The following EDA variants were observed in gnomAD, a reference collection of about 807,000 sequenced individuals.
EDA encodes the protein ectodysplasin A.
A neutral mutation model predicts 23.6 loss-of-function variants in EDA; 2 were observed. The ratio of observed to expected loss-of-function variants is 0.08; its 90% CI spans 0.03 to 0.27. The LOEUF (loss-of-function observed/expected upper bound fraction) is 0.27, where lower values mean the gene tolerates loss of function less well. Ranked by LOEUF, EDA falls within the 10% of genes least tolerant of loss-of-function variation. The pLI, the probability that EDA is intolerant of heterozygous loss-of-function variation, is 1.00. For missense variants in EDA, 229 were observed against 324.2 expected, an observed-to-expected ratio of 0.71 and a Z score of 2.26; for synonymous variants, 131 against 132.0, an observed-to-expected ratio of 0.99 and a Z score of 0.05.
intron 1 of EDA, among the ~76,000 whole-genome samples, chrX:69,792,058 T>A (rs2147472773): frequency 8.9e-6 from 1 of 111,928 alleles, no homozygotes; most frequent in Non-Finnish European, 1.9e-5. Context: ...GTGTATCCAT[T>A]ACCTGAGCAG....
chrX:69,672,111 C>T (rs1399801476), intron 1 of EDA, among the ~76,000 whole-genome samples: 1 of 111,536 alleles, frequency 9.0e-6, no homozygotes, highest in Non-Finnish European at 1.9e-5. Flanking sequence ...AATGGTATTT[C>T]CTGACTACTG....
At chrX:69,675,638 A>G (rs1369864627) in intron 1 of EDA, among the ~76,000 whole-genome samples, 1 of 110,990 alleles carries the variant, frequency 9.0e-6, no homozygotes, top group Non-Finnish European at 1.9e-5. Context: ...TTTATTAAGA[A>G]CTACCATCTA....
At chrX:69,888,977 G>GA (rs902577947) in intron 1 of EDA, among the ~76,000 whole-genome samples, 2,662 of 13,105 alleles carry the variant, frequency 0.2, 274 homozygotes, top group Non-Finnish European at 0.24. Flanking sequence ...TTGTGGGGTA[G>GA]TTATATATAT....
intron 1 of EDA, among the ~76,000 whole-genome samples, chrX:69,850,492 C>T (rs2017103874): frequency 8.9e-6 from 1 of 112,110 alleles, no homozygotes. Context: ...TAGTTCTGTG[C>T]AGCCTACCCT....
rs773369088 is a variant in EDA at position 69,645,618 on chromosome X, G to GTGTATATATATATA, written c.396+28917_396+28918insATATATATATATGT. 0.021 allele frequency among the ~76,000 whole-genome samples: 1,404 copies of GTGTATATATATATA among 67,207 alleles called. 200 individuals are homozygous for GTGTATATATATATA. The East Asian group carries it at 0.45, about 21-fold the overall frequency. 58.4% of individuals were successfully genotyped at this position (67,207 alleles called of 115,157 possible). A position where few individuals can be genotyped will look rare whatever the true frequency, so the allele number is the denominator to read the frequency against. On this transcript the variant is annotated intron_variant, in intron 1 of 7. Coordinates refer to ENST00000374552, the MANE Select transcript of EDA (RefSeq NM_001399.5). The stretch of plus-strand genomic sequence containing the variant: ...TGTGTGTGTGTATATATATATATGT[G>GTGTATATATATATA]TGTGTATATATATATATGTATAAAA...
intron 1 of EDA, among the ~76,000 whole-genome samples, chrX:69,889,932 C>A (rs746636559): frequency 7.2e-5 from 8 of 111,685 alleles, no homozygotes; most frequent in African/African-American, 9.8e-5. Context: ...AGTTAGGTCT[C>A]TATGGTCTAC....
intron 1 of EDA, among the ~76,000 whole-genome samples, chrX:69,803,894 A>G (rs1273055880): frequency 4.5e-5 from 5 of 110,417 alleles, no homozygotes; most frequent in Non-Finnish European, 7.6e-5. Context: ...GTTTCCACAT[A>G]TGAGTGAGAA....
rs931720672 is a variant in EDA at position 69,833,990 on chromosome X, C to T, written c.397-123037C>T. On this transcript the variant is annotated intron_variant, in intron 1 of 7. Coordinates refer to ENST00000374552, the MANE Select transcript of EDA (RefSeq NM_001399.5). ...ACGACAGGCACCAGTGTGTGATGTT[C>T]CCCACCCTGTGTCCAAGTGTTCTCA... 3.5e-5 allele frequency among the ~76,000 whole-genome samples: 3 copies of T among 85,617 alleles called. No homozygotes were observed. The East Asian group carries it at 1.2e-3, about 34-fold the overall frequency. 74.3% of individuals were successfully genotyped at this position (85,617 alleles called of 115,157 possible).
At chrX:70,017,315 AT>A (rs1417903829) in intron 2 of EDA, among the ~76,000 whole-genome samples, 1 of 112,230 alleles carries the variant, frequency 8.9e-6, no homozygotes, top group African/African-American at 3.2e-5. Context: ...TACTGAACCT[AT>A]TCCAAAAAGT....
At chrX:69,700,335 A>G (rs1417949622) in intron 1 of EDA, among the ~76,000 whole-genome samples, 1 of 111,707 alleles carries the variant, frequency 9.0e-6, no homozygotes, top group Non-Finnish European at 1.9e-5. Context: ...TCCCACATAA[A>G]GGCAAAGAGG....
intron 1 of EDA, among the ~76,000 whole-genome samples, chrX:69,848,243 T>G (rs1569354035): frequency 9.0e-6 from 1 of 111,671 alleles, no homozygotes; most frequent in Non-Finnish European, 1.9e-5. Flanking sequence ...TCTTAATTAT[T>G]TTACCTTAGG....
intron 2 of EDA, among the ~76,000 whole-genome samples, chrX:69,996,857 G>A (rs767002053): frequency 3.6e-5 from 4 of 112,242 alleles, no homozygotes; most frequent in African/African-American, 1.3e-4. Context: ...AGTTTGATAA[G>A]GGCAAACATG....
At chrX:69,733,936 G>A (rs1308140756) in intron 1 of EDA, among the ~76,000 whole-genome samples, 2 of 109,052 alleles carry the variant, frequency 1.8e-5, no homozygotes, top group African/African-American at 6.7e-5. Context: ...TTTTATCAAG[G>A]TAATAATCGC....
intron 1 of EDA, among the ~76,000 whole-genome samples, chrX:69,824,716 C>G (rs1256337950): frequency 3.4e-5 from 3 of 87,611 alleles, no homozygotes; most frequent in Non-Finnish European, 6.6e-5. Context: ...ATTGCCCTGG[C>G]CAGAACTTCC....
chrX:69,772,607 C>T (rs1002799880), intron 1 of EDA, among the ~76,000 whole-genome samples: 14 of 111,022 alleles, frequency 1.3e-4, no homozygotes, highest in African/African-American at 4.6e-4. Context: ...GCAAAGTATC[C>T]AATAGTTATT....
In EDA at chrX:69,673,586, CA is replaced by C. The variant is rs55828232; in HGVS notation, c.396+56894del. On this transcript the variant is annotated intron_variant, in intron 1 of 7. Transcript: ENST00000374552. ...TACACCCAGGCAATTTTACTGTATT[CA>C]AAAAAAAAAAATCATTTAGAAGCAA... 2.3e-3 allele frequency among the ~76,000 whole-genome samples: 242 copies of C among 106,304 alleles called. 1 individual carries two copies. The highest frequency in any genetic ancestry group is 7.5e-3 in the South Asian group (18 of 2,404). The allele number at this position is 106,304 out of a possible 115,157, so 92.3% of individuals were successfully genotyped here.
chrX:69,750,201 T>A (rs2013785439), intron 1 of EDA, among the ~76,000 whole-genome samples: 1 of 74,554 alleles, frequency 1.3e-5, no homozygotes, highest in South Asian at 1.0e-3. Flanking sequence ...GGCCCCGGTG[T>A]ATGATGTTCC....
intron 1 of EDA, among the ~76,000 whole-genome samples, chrX:69,869,191 C>G (rs1241037897): frequency 4.5e-5 from 5 of 111,401 alleles, no homozygotes; most frequent in Admixed American, 1.9e-4. Context: ...TATGTCTATG[C>G]CAATTATGCA....
At chrX:69,909,342 G>A (rs944443978) in intron 1 of EDA, among the ~76,000 whole-genome samples, 10 of 112,163 alleles carry the variant, frequency 8.9e-5, no homozygotes, top group African/African-American at 3.2e-4. Flanking sequence ...TGTTGCCCAG[G>A]CTAGAGTGTA....
Sources: gnomAD v4.1 joint callset for allele counts (sites outside exome capture counted in the v4.1 genomes callset) on GRCh38, gnomAD v4.1.1 for gene constraint, MANE v1.5 for transcripts, NCBI Gene and HGNC (gene_info 2026-07-23, HGNC 2026-07-21) for gene names.